Variants in VPS13A observed in about 807,000 individuals in gnomAD.
VPS13A encodes intermembrane lipid transfer protein VPS13A.
In VPS13A, 264 loss-of-function variants were observed where a neutral mutation model predicts 390.9. The observed-to-expected ratio is 0.68, with a 90% CI of 0.61 to 0.75. VPS13A has a LOEUF of 0.75. Among genes scored for constraint, VPS13A ranks in the 30% least tolerant of loss-of-function variants. VPS13A has a pLI of 0.00. For synonymous variants in VPS13A, 1,231 were observed against 1,227.1 expected, an observed-to-expected ratio of 1.00 and a Z score of -0.07; for missense variants, 3,409 against 3,733.9, an observed-to-expected ratio of 0.91 and a Z score of 2.27.
At chr9:77,262,047 A>G (rs1370860078) in intron 23 of VPS13A, among the ~76,000 whole-genome samples, 1 of 152,112 alleles carries the variant, frequency 6.6e-6, no homozygotes, top group Non-Finnish European at 1.5e-5. Flanking sequence ...TAAGTTTACT[A>G]TTTTAATTTC....
intron 5 of VPS13A, among the ~76,000 whole-genome samples, chr9:77,208,328 G>T (rs1825792775): frequency 6.6e-6 from 1 of 151,986 alleles, no homozygotes. Context: ...AAGGCCTCCT[G>T]GGCCAGCTGA....
chr9:77,227,223 G>T (rs1397553586), intron 15 of VPS13A, among the ~76,000 whole-genome samples, 168 bp from the exon 16 acceptor site: 1 of 151,944 alleles, frequency 6.6e-6, no homozygotes, highest in Non-Finnish European at 1.5e-5. Flanking sequence ...TTTATATTTT[G>T]GATAATTACT....
chr9:77,328,997 C>T (rs1043213791), intron 45 of VPS13A, among the ~76,000 whole-genome samples: 1 of 151,810 alleles, frequency 6.6e-6, no homozygotes, highest in Non-Finnish European at 1.5e-5. Context: ...GAAGTGAATG[C>T]AGGAAGAACT....
chr9:77,397,359 T>C (rs529677659), intron 68 of VPS13A, among the ~76,000 whole-genome samples: 1 of 152,282 alleles, frequency 6.6e-6, no homozygotes, highest in East Asian at 1.9e-4. Context: ...GCAACACTTG[T>C]CTTCCACATG....
chr9:77,233,719 A>G (rs891854916), intron 17 of VPS13A, among the ~76,000 whole-genome samples: 25 of 151,048 alleles, frequency 1.7e-4, no homozygotes, highest in African/African-American at 4.9e-4. Flanking sequence ...TTTTTCTTCT[A>G]TTGAGTTCTA....
At chr9:77,376,719 G>T (rs1833099752) in intron 67 of VPS13A, among the ~76,000 whole-genome samples, 1 of 152,108 alleles carries the variant, frequency 6.6e-6, no homozygotes, top group Non-Finnish European at 1.5e-5. Flanking sequence ...GTTGAGTAGA[G>T]GAGTTTGAAG....
intron 33 of VPS13A, among the ~76,000 whole-genome samples, chr9:77,302,645 A>G (rs543350048): frequency 4.9e-4 from 74 of 152,252 alleles, no homozygotes; most frequent in Non-Finnish European, 9.4e-4. Flanking sequence ...AAGTGCTGGG[A>G]TTACAGGTGT....
At chr9:77,390,658 C>T in intron 68 of VPS13A, among the ~76,000 whole-genome samples, 1 of 110,728 alleles carries the variant, frequency 9.0e-6, no homozygotes. Flanking sequence ...CCCCGTCCCT[C>T]TCTTTTTGTT....
rs149017520 is a variant in VPS13A, at chr9:77,324,675, A to G, written c.5991+1448A>G. On this transcript the variant is annotated intron_variant, in intron 45 of 71. Transcript: ENST00000360280. ...TGAGGGATATTGGTCTAGAGTTTCA[A>G]TGTCTGTCTTTCTGTCTTTCTTTTC... Among the ~76,000 whole-genome samples, 36 of 152,188 alleles carry G rather than the reference A, an allele frequency of 2.4e-4. No homozygotes were observed. The East Asian group carries it at 5.0e-3, about 21-fold the overall frequency.
chr9:77,366,030 G>A (rs1310679081), intron 60 of VPS13A, among the ~76,000 whole-genome samples: 1 of 151,988 alleles, frequency 6.6e-6, no homozygotes, highest in Non-Finnish European at 1.5e-5. Flanking sequence ...CAATACAAAA[G>A]TGTTTTTTAA....
chr9:77,325,568 C>CT (rs939936721), intron 45 of VPS13A, among the ~76,000 whole-genome samples: 100 of 148,642 alleles, frequency 6.7e-4, no homozygotes, highest in Middle Eastern at 3.5e-3. Context: ...TTTGTTTTCT[C>CT]TTTTTTTTTA....
chr9:77,358,865 C>T (rs1267674474), intron 57 of VPS13A, among the ~76,000 whole-genome samples: 1 of 151,928 alleles, frequency 6.6e-6, no homozygotes, highest in Non-Finnish European at 1.5e-5. Flanking sequence ...CCTGCATATC[C>T]CTCTTCCCCC....
chr9:77,217,068 A>T (rs766100725), intron 10 of VPS13A, among the ~76,000 whole-genome samples: 7 of 152,192 alleles, frequency 4.6e-5, no homozygotes, highest in African/African-American at 1.7e-4. Context: ...CAGAAGTTGC[A>T]TCTTTCAATA....
chr9:77,203,063 A>G (rs1278520878), intron 3 of VPS13A, among the ~76,000 whole-genome samples: 1 of 152,206 alleles, frequency 6.6e-6, no homozygotes, highest in African/African-American at 2.4e-5. Context: ...AATCAGTTTT[A>G]TAGGAATGTA....
chr9:77,413,328 T>TA (rs1835024606), intron 71 of VPS13A, among the ~76,000 whole-genome samples: 1 of 152,190 alleles, frequency 6.6e-6, no homozygotes, highest in Non-Finnish European at 1.5e-5. Flanking sequence ...TCACGCTACC[T>TA]GACTTCAAAC....
At chr9:77,290,886 A>T (rs1239528178) in intron 31 of VPS13A, among the ~76,000 whole-genome samples, 1 of 152,230 alleles carries the variant, frequency 6.6e-6, no homozygotes, top group East Asian at 1.9e-4. Flanking sequence ...AGTAATTAAA[A>T]TTAAAAATTT....
At chr9:77,236,218 T>G (rs1477879816) in intron 17 of VPS13A, among the ~76,000 whole-genome samples, 1 of 152,212 alleles carries the variant, frequency 6.6e-6, no homozygotes, top group Non-Finnish European at 1.5e-5. Context: ...ATATTGGCTG[T>G]TGTACTTTTC....
At chr9:77,218,549 A>G (rs190432531) in intron 10 of VPS13A, among the ~76,000 whole-genome samples, 92 of 152,132 alleles carry the variant, frequency 6.0e-4, no homozygotes, top group African/African-American at 2.0e-3. Flanking sequence ...TGATATTTTA[A>G]TAATCTCTCC....
At position 77,314,267 on chromosome 9, in the gene VPS13A, A is replaced by G; in HGVS notation, c.4242+148A>G. 5.2e-6 allele frequency: 5 copies of G among 966,844 alleles called. No individual in the cohort carries two copies. In the Admixed American group the frequency reaches 8.3e-5, roughly 16 times the overall value. 59.9% of individuals were successfully genotyped at this position (966,844 alleles called of 1,614,324 possible). On this transcript the variant is annotated intron_variant, in intron 36 of 71. Transcript: ENST00000360280. Reference sequence around the variant, plus strand: ...TGATCTTTTTACTTTAATAATAATTATAACTATTTCCCTTTTAAATGAGTT... The same window carrying G: ...TGATCTTTTTACTTTAATAATAATTGTAACTATTTCCCTTTTAAATGAGTT...
Sources: allele counts gnomAD v4.1 joint callset (sites outside exome capture counted in the v4.1 genomes callset), GRCh38; gene constraint gnomAD v4.1.1; transcripts MANE v1.5; gene names NCBI Gene and HGNC (gene_info 2026-07-23, HGNC 2026-07-21).